The following RBBP6 variants were observed in gnomAD, a reference collection of about 807,000 sequenced individuals.
RBBP6 encodes the protein RB binding protein 6, ubiquitin ligase, also known as E3 ubiquitin-protein ligase RBBP6.
A neutral mutation model predicts 167.7 loss-of-function variants in RBBP6; 25 were observed. The ratio of observed to expected loss-of-function variants is 0.15; its 90% confidence interval spans 0.11 to 0.21. The LOEUF (loss-of-function observed/expected upper bound fraction) is 0.21, where lower values mean the gene tolerates loss of function less well. Ranked by LOEUF, RBBP6 falls within the 10% of genes least tolerant of loss-of-function variation. RBBP6 has a pLI of 1.00. For missense variants in RBBP6, 1,868 were observed against 2,134.2 expected (o/e 0.88, Z 2.46); for synonymous variants, 789 against 735.8 (o/e 1.07, Z -1.17).
chr16:24,572,340 A>C lies in RBBP6; in HGVS notation c.5274A>C (p.Glu1758Asp). ...ATGCAGGCACTGAAGTGGAATTGGA[A>C]AAAAGCCAAAAACACAAACACAAGA... ...KKHAGTEVEL[E>D]KSQKHKHKKK... Residue 1758 changes from glutamate (E) to aspartate (D), a missense_variant, in exon 18 of 18, where the codon GAA (glutamate) becomes GAC (aspartate). By Grantham distance (45) the Glu-to-Asp change is conservative (BLOSUM62 2). Around this residue, in one of 7 missense-constraint regions of RBBP6, gnomAD observed 591 missense variants for 540.5 expected, o/e 1.09. Coordinates refer to ENST00000319715, the MANE Select transcript of RBBP6 (RefSeq NM_006910.5). 6.4e-7 allele frequency: 1 copy of C among 1,555,230 alleles called. No homozygotes were observed. The highest frequency in any genetic ancestry group is 8.7e-7 in the Non-Finnish European group (1 of 1,148,712).
Position 24,540,701 on chromosome 16 carries a change from C to G in RBBP6, c.75C>G (p.Ser25=). The G allele has an allele frequency of 6.2e-7, 1 of 1,614,130 alleles. No individual in the cohort carries two copies. Residue 25 remains serine, a synonymous_variant, in exon 1 of 18, where the codon TCC becomes TCG. Transcript: ENST00000319715. ...TCACCTTTGATGGGCTCCACATCTC[C>G]CTCTGCGACTTAAAGAAGCAGATTA... The part of the protein sequence containing the change: ...DTVTFDGLHI[S]LCDLKKQIMG...
In RBBP6 at chr16:24,542,233, A is replaced by G. The variant is rs560494029; in HGVS notation, c.166+1441A>G. On this transcript the variant is annotated intron_variant, in intron 1 of 17. Transcript: ENST00000319715. ...TGCCTCACAAGCATCCCTTAACTAC[A>G]ACAGTCACATTTCACAGAACAGATG... 5.9e-5 allele frequency among the ~76,000 whole-genome samples: 9 copies of G among 152,330 alleles called. No homozygotes were observed. The South Asian group carries it at 1.9e-3, about 32-fold the overall frequency.
intron 1 of RBBP6, among the ~76,000 whole-genome samples, 188 bp from the exon 2 acceptor site, chr16:24,545,974 TC>T (rs1724494122): frequency 2.6e-5 from 4 of 152,354 alleles, no homozygotes; most frequent in African/African-American, 9.6e-5. Flanking sequence ...ATATTGGTTG[TC>T]CTTTGAAAAG....
intron 7 of RBBP6, among the ~76,000 whole-genome samples, chr16:24,556,966 A>G (rs1898925536): frequency 6.6e-6 from 1 of 151,154 alleles, no homozygotes; most frequent in African/African-American, 2.4e-5. Context: ...AGTTCAGATC[A>G]ACTATAGCTC....
Position 24,569,326 on chromosome 16 carries a change from G to T in RBBP6, c.2636G>T (p.Arg879Leu), listed in dbSNP as rs139014248. The change falls in exon 17 of 18, where the codon CGC (arginine) becomes CTC (leucine). Residue 879 changes from arginine to leucine, a missense_variant. Transcript: ENST00000319715. ...NIRNSPFTRG[R>L]REDYVGGQSH... ...AGGAATTCTCCCTTCACAAGAGGCC[G>T]CAGAGAAGACTATGTTGGTGGGCAA... 3 of 1,613,304 alleles carry T rather than the reference G, an allele frequency of 1.9e-6. No homozygotes were observed. The highest frequency in any genetic ancestry group is 3.3e-5 in the Admixed American group (2 of 59,816).
chr16:24,565,894 C>G (rs1899183692), intron 14 of RBBP6, among the ~76,000 whole-genome samples: 1 of 152,140 alleles, frequency 6.6e-6, no homozygotes, highest in South Asian at 2.1e-4. Context: ...TAGCAAGACT[C>G]TGTCTCTACC....
intron 8 of RBBP6, among the ~76,000 whole-genome samples, chr16:24,560,105 G>GTTTTT (rs1164371948): frequency 2.2e-5 from 3 of 135,012 alleles, no homozygotes; most frequent in African/African-American, 2.7e-5. Context: ...CCTGTAGACA[G>GTTTTT]TTTTTGTTTT....
At chr16:24,546,526 A>G (rs925079452) in intron 2 of RBBP6, among the ~76,000 whole-genome samples, 5 of 152,166 alleles carry the variant, frequency 3.3e-5, no homozygotes, top group African/African-American at 1.2e-4. Flanking sequence ...CAAGAAAGTG[A>G]TATTCACATT....
At position 24,563,099 on chromosome 16, in the gene RBBP6, A is replaced by G. The variant is rs555801649; in HGVS notation, c.1290-100A>G. ...GTATTCATCATCTTTGACTTAACTC[A>G]TCTTAACTGCAGGTGATGGGTAAAC... On this transcript the variant is annotated intron_variant, in intron 10 of 17. Transcript: ENST00000319715. 9.4e-6 allele frequency: 8 copies of G among 850,698 alleles called. No individual in the cohort carries two copies. In the East Asian group the frequency reaches 1.9e-4, roughly 20 times the overall value. The allele number at this position is 850,698 out of a possible 1,614,324, so 52.7% of individuals were successfully genotyped here. A position where few individuals can be genotyped will look rare whatever the true frequency, so the allele number is the denominator to read the frequency against.
At chr16:24,541,761 T>C (rs1898506093) in intron 1 of RBBP6, among the ~76,000 whole-genome samples, 1 of 152,234 alleles carries the variant, frequency 6.6e-6, no homozygotes, top group African/African-American at 2.4e-5. Flanking sequence ...GTGTATTTTT[T>C]AGCAGTTCGG....
intron 1 of RBBP6, among the ~76,000 whole-genome samples, chr16:24,541,380 T>C (rs1307314918): frequency 2.0e-5 from 3 of 152,176 alleles, no homozygotes; most frequent in African/African-American, 7.2e-5. Context: ...TTTTTGGATC[T>C]TGAAATGTTC....
At chr16:24,549,043 G>A in intron 3 of RBBP6, 62 bp downstream of exon 3, 2 of 1,582,666 alleles carry the variant, frequency 1.3e-6, no homozygotes, top group Non-Finnish European at 1.7e-6. Context: ...TAATGTAGCA[G>A]TGAAGTAAAT....
intron 14 of RBBP6, 76 bp from the exon 15 acceptor site, chr16:24,567,067 G>A (rs1899211862): frequency 1.4e-6 from 2 of 1,433,792 alleles, no homozygotes; most frequent in Non-Finnish European, 1.9e-6. Context: ...AAATAATTAT[G>A]GATAGAAGAG....
chr16:24,555,927 A>C lies in RBBP6; in HGVS notation c.534+10A>C. ...TTGCCCAACAAATGGGGTAAGTTCA[A>C]AGCAGAAACTATGGTATATCTTACT... On this transcript the variant is annotated intron_variant, in intron 6 of 17. Coordinates refer to ENST00000319715, the MANE Select transcript of RBBP6 (RefSeq NM_006910.5). 1 of 1,549,804 alleles carries C rather than the reference A, an allele frequency of 6.5e-7. No homozygotes were observed. The highest frequency in any genetic ancestry group is 2.2e-5 in the East Asian group (1 of 44,560).
At position 24,540,300 on chromosome 16, in the gene RBBP6, A is replaced by G. The variant is rs1364374202; in HGVS notation, c.-327A>G. 2.1e-5 allele frequency: 5 copies of G among 242,070 alleles called. No homozygotes were observed. The highest frequency in any genetic ancestry group is 9.9e-5 in the East Asian group (1 of 10,094). 15.0% of individuals were successfully genotyped at this position (242,070 alleles called of 1,614,324 possible). On this transcript the variant is annotated 5_prime_UTR_variant, in exon 1 of 18. Transcript: ENST00000319715. Reference sequence around the variant, plus strand: ...CTGACCGCTACTGACTGCACCGCCAATCCCCCCGTCTCTGCCGGCCCCTTA... The same window carrying G: ...CTGACCGCTACTGACTGCACCGCCAGTCCCCCCGTCTCTGCCGGCCCCTTA...
At position 24,571,859 on chromosome 16, in the gene RBBP6, T is replaced by A; in HGVS notation, c.4793T>A (p.Val1598Asp). The change falls in exon 18 of 18, where the codon GTT becomes GAT. Residue 1598 changes from valine (V) to aspartate (D), a missense_variant. By Grantham distance (152) the Val-to-Asp change is radical. Transcript: ENST00000319715. ...ATACTTAACCCACCAGAGACACAGGTTGAAAAAGAGCAAATTACTGGGCAA... is the reference window on the plus strand; with the variant it reads ...ATACTTAACCCACCAGAGACACAGGATGAAAAAGAGCAAATTACTGGGCAA... ...LYILNPPETQ[V>D]EKEQITGQID... 1 of 1,613,696 alleles carries A rather than the reference T, an allele frequency of 6.2e-7. No individual in the cohort carries two copies. The highest frequency in any genetic ancestry group is 8.5e-7 in the Non-Finnish European group (1 of 1,179,844).
Position 24,567,795 on chromosome 16 carries a change from A to G in RBBP6, c.1956A>G (p.Glu652=). The G allele has an allele frequency of 6.2e-7, 1 of 1,604,020 alleles. No homozygotes were observed. The highest frequency in any genetic ancestry group is 8.5e-7 in the Non-Finnish European group (1 of 1,175,532). ...CTCTTTAACTTTATTTTACTAGGGA[A>G]AAGAAAAAGTCCAAGCTAGATGAGT... is the stretch of plus-strand genomic sequence containing the variant. The part of the protein sequence containing the change: ...YREQRRLKEE[E]KKKSKLDEFT... The change falls in exon 16 of 18, where the codon GAA becomes GAG. Residue 652 remains glutamate, a synonymous_variant. Transcript: ENST00000319715.
rs988470606 is a variant in RBBP6 at position 24,539,594 on chromosome 16, C to T, written c.-1033C>T. On this transcript the variant is annotated 5_prime_UTR_variant, in exon 1 of 18. Coordinates refer to ENST00000319715, the MANE Select transcript of RBBP6 (RefSeq NM_006910.5). ...GTGGGGCGCTCGTCCGAAGCCAGGCCGCGTCCGCCATAGTACCTGGCTTGG... is the reference window on the plus strand; with the variant it reads ...GTGGGGCGCTCGTCCGAAGCCAGGCTGCGTCCGCCATAGTACCTGGCTTGG... 2 of 152,138 alleles carry T rather than the reference C, an allele frequency of 1.3e-5. No individual in the cohort carries two copies. The highest frequency in any genetic ancestry group is 2.4e-5 in the African/African-American group (1 of 41,410). The allele number at this position is 152,138 out of a possible 1,614,324, so 9.4% of individuals were successfully genotyped here.
Position 24,555,845 on chromosome 16 carries a change from A to G in RBBP6, c.462A>G (p.Pro154=). The G allele has an allele frequency of 6.2e-7, 1 of 1,610,658 alleles. No individual in the cohort carries two copies. ...PINYMKKPLG[P]PPPSYTCFRC... The stretch of plus-strand genomic sequence containing the variant: ...GTTACATGAAGAAACCTCTAGGTCC[A>G]CCACCTCCATCTTACACGTGTTTCC... The change falls in exon 6 of 18, where the codon CCA becomes CCG. Residue 154 remains proline, a synonymous_variant. Coordinates refer to ENST00000319715, the MANE Select transcript of RBBP6 (RefSeq NM_006910.5).
Sources: gnomAD v4.1 joint callset for allele counts (sites outside exome capture counted in the v4.1 genomes callset) on GRCh38, gnomAD v4.1.1 for gene constraint, gnomAD v4.1.1 regional missense constraint, MANE v1.5 for transcripts, NCBI Gene and HGNC (gene_info 2026-07-23, HGNC 2026-07-21) for gene names.